The following ACTR3C variants were observed in gnomAD, a reference collection of about 807,000 sequenced individuals.
ACTR3C encodes actin related protein 3C, also known as actin-related protein 3C.
In ACTR3C, 18 loss-of-function variants were observed where a neutral mutation model predicts 26.3. The observed-to-expected ratio is 0.68, with a 90% CI of 0.47 to 1.01. The LOEUF (loss-of-function observed/expected upper bound fraction) is 1.01. ACTR3C is among the 50% of genes least tolerant of loss of function. The probability of loss-of-function intolerance (pLI) is 0.00; values close to 1 mark genes in which losing one functional copy is unlikely to be tolerated. For synonymous variants in ACTR3C, 55 were observed against 94.5 expected, an observed-to-expected ratio of 0.58 and a Z score of 2.42; for missense variants, 184 against 250.7, an observed-to-expected ratio of 0.73 and a Z score of 1.80.
At chr7:150,176,388 C>T in the ACTR3C span, among the ~76,000 whole-genome samples, 2 of 150,804 alleles carry the variant, frequency 1.3e-5, no homozygotes, top group Non-Finnish European at 2.9e-5. Context: ...CCAAAATACT[C>T]TTCCGCCATT....
At chr7:149,909,675 A>G in the ACTR3C span, 1 of 462,102 alleles carries the variant, frequency 2.2e-6, no homozygotes, top group Non-Finnish European at 3.7e-6. Flanking sequence ...ACTGGGGCTC[A>G]GTGTTGCCTG....
At chr7:150,017,403 C>CGAGGAACCCGGGAGGCAGAGGTTG in the ACTR3C span, among the ~76,000 whole-genome samples, 10 of 150,750 alleles carry the variant, frequency 6.6e-5, no homozygotes, top group African/African-American at 1.2e-4. Context: ...ATATCACAGA[C>CGAGGAACCCGGGAGGCAGAGGTTG]CAGGTCCATT....
the ACTR3C span, among the ~76,000 whole-genome samples, chr7:150,034,241 G>A: frequency 6.6e-6 from 1 of 151,660 alleles, no homozygotes; most frequent in African/African-American, 2.4e-5. Flanking sequence ...AAATAGGGGG[G>A]CCATCCTTTA....
the ACTR3C span, among the ~76,000 whole-genome samples, chr7:150,006,300 C>T: frequency 6.6e-6 from 1 of 151,918 alleles, no homozygotes; most frequent in Non-Finnish European, 1.5e-5. Flanking sequence ...GGGTTCACAG[C>T]ATTCTCCTGC....
intron 1 of ACTR3C, among the ~76,000 whole-genome samples, chr7:150,305,496 C>A (rs1795741719): frequency 6.6e-6 from 1 of 152,186 alleles, no homozygotes; most frequent in African/African-American, 2.4e-5. Flanking sequence ...TCTCTCCACA[C>A]TCCCCCGCTC....
At chr7:150,039,303 C>CT in the ACTR3C span, among the ~76,000 whole-genome samples, 1 of 145,714 alleles carries the variant, frequency 6.9e-6, no homozygotes, top group African/African-American at 2.6e-5. Context: ...ATGGGGGTAC[C>CT]AACAGCCAGG....
the ACTR3C span, among the ~76,000 whole-genome samples, chr7:149,896,515 G>A: frequency 6.6e-6 from 1 of 152,180 alleles, no homozygotes; most frequent in Non-Finnish European, 1.5e-5. Context: ...GACCAAATTT[G>A]TGACTGGCGG....
chr7:150,312,388 T>C (rs1796404701), intron 1 of ACTR3C, among the ~76,000 whole-genome samples: 1 of 152,192 alleles, frequency 6.6e-6, no homozygotes, highest in African/African-American at 2.4e-5. Context: ...CACTCACACC[T>C]ATGGGAAAAG....
chr7:149,886,459 C>T, the ACTR3C span, among the ~76,000 whole-genome samples: 1 of 152,062 alleles, frequency 6.6e-6, no homozygotes, highest in Admixed American at 6.6e-5. Flanking sequence ...CTGGGAAAAA[C>T]AAACATGTAA....
chr7:150,105,968 C>T, the ACTR3C span, among the ~76,000 whole-genome samples: 6 of 152,088 alleles, frequency 3.9e-5, no homozygotes, highest in South Asian at 1.2e-3. Context: ...AAAATTACTT[C>T]CCAACTAATC....
chr7:150,185,274 G>GGGGTGTGTGTGTGTGT, the ACTR3C span, among the ~76,000 whole-genome samples: 5 of 124,272 alleles, frequency 4.0e-5, no homozygotes, highest in African/African-American at 1.5e-4. Flanking sequence ...TTAAATGTCA[G>GGGGTGTGTGTGTGTGT]GCGTGTGTGT....
chr7:150,184,165 C>A, the ACTR3C span, among the ~76,000 whole-genome samples: 3 of 150,852 alleles, frequency 2.0e-5, no homozygotes, highest in African/African-American at 7.5e-5. Context: ...GCTCTGCATA[C>A]TACACTTTAC....
At chr7:150,313,609 C>A (rs1796522147) in intron 1 of ACTR3C, among the ~76,000 whole-genome samples, 1 of 152,164 alleles carries the variant, frequency 6.6e-6, no homozygotes, top group Non-Finnish European at 1.5e-5. Context: ...GAGGCATATC[C>A]AACCCTCCCT....
chr7:150,258,193 C>T (rs1323141728), intron 6 of ACTR3C, among the ~76,000 whole-genome samples: 3 of 149,754 alleles, frequency 2.0e-5, no homozygotes, highest in African/African-American at 7.4e-5. Flanking sequence ...GCTCAGTTGC[C>T]AGACCTCAGC....
At chr7:149,946,775 C>T in the ACTR3C span, among the ~76,000 whole-genome samples, 2 of 152,190 alleles carry the variant, frequency 1.3e-5, no homozygotes, top group Admixed American at 6.5e-5. Context: ...TAAACCTCCC[C>T]GTGAAGGTGA....
chr7:150,298,820 A>G (rs369563159), intron 1 of ACTR3C, among the ~76,000 whole-genome samples: 5,691 of 150,192 alleles, frequency 0.038, 165 homozygotes, highest in South Asian at 0.13. Flanking sequence ...AAACAACCTA[A>G]ATACCCATCA....
chr7:150,249,715 A>G (rs1013556056), intron 6 of ACTR3C, among the ~76,000 whole-genome samples: 1 of 152,134 alleles, frequency 6.6e-6, no homozygotes, highest in Non-Finnish European at 1.5e-5. Flanking sequence ...TCGGCCTCCC[A>G]TTGTGCTGGG....
At chr7:149,922,970 C>CT in the ACTR3C span, among the ~76,000 whole-genome samples, 798 of 69,078 alleles carry the variant, frequency 0.012, 81 homozygotes, top group African/African-American at 0.038. Flanking sequence ...AAATAAAAGG[C>CT]TTTTTTTTTT....
At chr7:150,147,581 CATTA>C in the ACTR3C span, among the ~76,000 whole-genome samples, 1 of 151,674 alleles carries the variant, frequency 6.6e-6, no homozygotes, top group African/African-American at 2.4e-5. Flanking sequence ...ATTAATCATT[CATTA>C]ATTATTACAT....
Sources: allele counts gnomAD v4.1 joint callset (sites outside exome capture counted in the v4.1 genomes callset), GRCh38; gene constraint gnomAD v4.1.1; transcripts MANE v1.5; gene names NCBI Gene and HGNC (gene_info 2026-07-23, HGNC 2026-07-21).